The following TRAPPC9 variants were observed in gnomAD, a reference collection of about 807,000 sequenced individuals.
TRAPPC9 encodes trafficking protein particle complex subunit 9.
Under a neutral mutation model 124.0 loss-of-function variants are expected in TRAPPC9, and 83 were observed. That is an observed-to-expected ratio of 0.67 (90% confidence interval 0.56 to 0.80). The LOEUF (loss-of-function observed/expected upper bound fraction) is 0.80, where lower values mean the gene tolerates loss of function less well. TRAPPC9 is among the 30% of genes least tolerant of loss of function. The pLI is 0.00. For synonymous variants in TRAPPC9, 638 were observed against 617.5 expected, an observed-to-expected ratio of 1.03 and a Z score of -0.49; for missense variants, 1,302 against 1,508.3, an observed-to-expected ratio of 0.86 and a Z score of 2.27.
intron 9 of TRAPPC9, among the ~76,000 whole-genome samples, chr8:140,352,383 G>C (rs2067612826): frequency 1.3e-5 from 2 of 152,204 alleles, no homozygotes; most frequent in Admixed American, 1.3e-4. Flanking sequence ...AGTTGTTTCG[G>C]AAGTTTAAGA....
At chr8:140,284,139 C>T in intron 13 of TRAPPC9, 118 bp from the exon 14 acceptor site, 3 of 1,403,452 alleles carry the variant, frequency 2.1e-6, no homozygotes, top group South Asian at 2.3e-5. Flanking sequence ...TCCGAAGCTG[C>T]CCGGGGCCCG....
At chr8:140,075,623 G>A (rs1843461871) in intron 17 of TRAPPC9, among the ~76,000 whole-genome samples, 5 of 152,332 alleles carry the variant, frequency 3.3e-5, no homozygotes, top group Middle Eastern at 3.4e-3. Context: ...CATTTGTTAA[G>A]CATGTATATT....
Position 140,284,040 on chromosome 8 carries a change from T to G in TRAPPC9, c.1982-19A>C. On this transcript the variant is annotated intron_variant, in intron 13 of 22. Transcript: ENST00000438773. Reference sequence around the variant, plus strand: ...TGGTAACCTGGAATAGAAAAGGAACTTCTTCACTCCACTGGCAAGGCTTTG... The same window carrying G: ...TGGTAACCTGGAATAGAAAAGGAACGTCTTCACTCCACTGGCAAGGCTTTG... 1 of 1,613,804 alleles carries G rather than the reference T, an allele frequency of 6.2e-7. No homozygotes were observed. Among genetic ancestry groups the G allele is most frequent in the South Asian group, 1.1e-5 (1 of 91,070 alleles).
chr8:139,851,704 C>T (rs138301051), intron 21 of TRAPPC9, among the ~76,000 whole-genome samples: 138 of 152,290 alleles, frequency 9.1e-4, no homozygotes, highest in African/African-American at 1.8e-3. Flanking sequence ...CGCGGACTCA[C>T]GGCAAATGTT....
Position 140,287,629 on chromosome 8 carries a change from T to C in TRAPPC9, c.1960A>G (p.Thr654Ala), listed in dbSNP as rs2065526516. The change falls in exon 13 of 23, where the codon ACT (threonine) becomes GCT (alanine). Residue 654 changes from threonine (T) to alanine (A), a missense_variant. This residue lies in a region of TRAPPC9 where 640 missense variants were observed against 679.3 expected (regional missense o/e 0.94). Transcript: ENST00000438773. The stretch of plus-strand genomic sequence containing the variant: ...TTACCGTTCACAGTAATCGTTCCAG[T>C]CGTCTGCGGGACCCCGACGAGCGTC... ...PVTLVGVPQT[T>A]GTITVNGYHT... The C allele has an allele frequency of 6.2e-7, 1 of 1,614,028 alleles. No homozygotes were observed. Among genetic ancestry groups the C allele is most frequent in the South Asian group, 1.1e-5 (1 of 91,078 alleles).
rs2065951453 is a variant in TRAPPC9 at position 140,300,688 on chromosome 8, T to C, written c.1623-74A>G. The C allele has an allele frequency of 7.6e-6, 12 of 1,576,948 alleles. No homozygotes were observed. In the South Asian group the frequency reaches 1.0e-4, roughly 13 times the overall value. ...GTTTCAGGATAAACATAACCAAACA[T>C]GATGTATCAGAAAAACAGTAAATCA... On this transcript the variant is annotated intron_variant, in intron 10 of 22. Transcript: ENST00000438773.
chr8:140,101,134 C>A (rs2060570917), intron 17 of TRAPPC9, among the ~76,000 whole-genome samples: 2 of 152,316 alleles, frequency 1.3e-5, no homozygotes, highest in African/African-American at 4.8e-5. Context: ...TATTCCAAAT[C>A]AAAATGAGCA....
rs562935895 is a variant in TRAPPC9, at chr8:139,868,267, A to T, written c.3055+17612T>A. Among the ~76,000 whole-genome samples, 14 of 152,288 alleles carry T rather than the reference A, an allele frequency of 9.2e-5. No individual in the cohort carries two copies. In the East Asian group the frequency reaches 2.7e-3, roughly 29 times the overall value. On this transcript the variant is annotated intron_variant, in intron 21 of 22. Transcript: ENST00000438773. Reference sequence around the variant, plus strand: ...CCAGCTACTTGGAAAGCTGAGGCAGAATTGCCTGAACCCAGGAGGCGGAGG... The same window carrying T: ...CCAGCTACTTGGAAAGCTGAGGCAGTATTGCCTGAACCCAGGAGGCGGAGG...
chr8:139,940,358 A>G (rs73725330), intron 19 of TRAPPC9, among the ~76,000 whole-genome samples: 16,094 of 152,274 alleles, frequency 0.11, 1,790 homozygotes, highest in African/African-American at 0.28. Context: ...AGTTTTTGCT[A>G]TGCTCTATTC....
chr8:139,740,854 C>G (rs1386724916), intron 21 of TRAPPC9, among the ~76,000 whole-genome samples: 1 of 152,226 alleles, frequency 6.6e-6, no homozygotes, highest in Non-Finnish European at 1.5e-5. Context: ...AGATGTGGTG[C>G]TGGTGCAGGC....
intron 21 of TRAPPC9, among the ~76,000 whole-genome samples, chr8:139,790,367 C>T (rs538682680): frequency 7.9e-5 from 12 of 152,216 alleles, no homozygotes; most frequent in African/African-American, 2.6e-4. Flanking sequence ...TGAAAGAGAC[C>T]GGGGAGCGCT....
intron 21 of TRAPPC9, among the ~76,000 whole-genome samples, chr8:139,764,794 C>T (rs1448978177): frequency 6.6e-6 from 1 of 152,154 alleles, no homozygotes; most frequent in East Asian, 1.9e-4. Flanking sequence ...CCCTGAGCTG[C>T]CCACTCCCCA....
intron 16 of TRAPPC9, among the ~76,000 whole-genome samples, chr8:140,246,928 T>C (rs1487171176): frequency 6.6e-6 from 1 of 152,068 alleles, no homozygotes; most frequent in Non-Finnish European, 1.5e-5. Context: ...GAGGTGGCAG[T>C]GAGCTGAGAT....
At chr8:140,022,359 A>C (rs1362378920) in intron 18 of TRAPPC9, among the ~76,000 whole-genome samples, 1 of 152,140 alleles carries the variant, frequency 6.6e-6, no homozygotes, top group African/African-American at 2.4e-5. Flanking sequence ...GAACCACGGA[A>C]ACCAAAAGAA....
chr8:140,020,707 A>AT (rs1839787813), intron 18 of TRAPPC9, among the ~76,000 whole-genome samples: 1 of 152,108 alleles, frequency 6.6e-6, no homozygotes, highest in Non-Finnish European at 1.5e-5. Flanking sequence ...ATTGTTACTA[A>AT]TTTTTTTGTC....
At position 140,300,544 on chromosome 8, in the gene TRAPPC9, C is replaced by T. The variant is rs551407866; in HGVS notation, c.1693G>A (p.Val565Met). 334 of 1,614,210 alleles carry T rather than the reference C, an allele frequency of 2.1e-4. 9 individuals are homozygous for T. In the South Asian group the frequency reaches 3.5e-3, roughly 17 times the overall value. Reference sequence around the variant, plus strand: ...TAGATGAAAGGACTTTTGGTTGACACGTTCTGACCCAGCAAGCTTTTCATT... The same window carrying T: ...TAGATGAAAGGACTTTTGGTTGACATGTTCTGACCCAGCAAGCTTTTCATT... Reference protein sequence around the residue: ...HKMKSLLGQNVSTKSPFIYSP... With the variant: ...HKMKSLLGQNMSTKSPFIYSP... The change falls in exon 11 of 23, where the codon GTG (valine) becomes ATG (methionine). Residue 565 changes from valine (V) to methionine (M), a missense_variant. By Grantham distance (21) the Val-to-Met change is conservative. Around this residue, in one of 3 missense-constraint regions of TRAPPC9, gnomAD observed 657 missense variants for 811.2 expected, o/e 0.81. Coordinates refer to ENST00000438773, the MANE Select transcript of TRAPPC9 (RefSeq NM_001160372.4).
intron 17 of TRAPPC9, among the ~76,000 whole-genome samples, chr8:140,129,864 C>T (rs4736141): frequency 0.16 from 24,912 of 152,250 alleles, 2,548 homozygotes; most frequent in Admixed American, 0.25. Context: ...TGTACGCATG[C>T]ACACGCACAT....
At chr8:140,111,384 G>C (rs571977791) in intron 17 of TRAPPC9, among the ~76,000 whole-genome samples, 1 of 152,154 alleles carries the variant, frequency 6.6e-6, no homozygotes. Flanking sequence ...TTGGCCGCCA[G>C]CTCCATGAGC....
chr8:139,791,015 C>G (rs577449084), intron 21 of TRAPPC9, among the ~76,000 whole-genome samples: 9 of 152,284 alleles, frequency 5.9e-5, no homozygotes, highest in Middle Eastern at 3.4e-3. Flanking sequence ...CAAGAAGATA[C>G]TGCCATGCTT....
Sources: gnomAD v4.1 joint callset for allele counts (sites outside exome capture counted in the v4.1 genomes callset) on GRCh38, gnomAD v4.1.1 for gene constraint, gnomAD v4.1.1 regional missense constraint, MANE v1.5 for transcripts, NCBI Gene and HGNC (gene_info 2026-07-23, HGNC 2026-07-21) for gene names.